Variants in PWWP2B observed in about 807,000 individuals in gnomAD.
PWWP2B encodes the protein PWWP domain containing 2B.
Under a neutral mutation model 15.5 loss-of-function variants are expected in PWWP2B, and 9 were observed. The ratio of observed to expected loss-of-function variants is 0.58; its 90% confidence interval spans 0.35 to 1.02. The LOEUF (loss-of-function observed/expected upper bound fraction) is 1.02, where lower values mean the gene tolerates loss of function less well. PWWP2B is among the 50% of genes least tolerant of loss of function. PWWP2B has a pLI of 0.02. For synonymous variants in PWWP2B, 474 were observed against 403.6 expected (o/e 1.17, Z -2.09); for missense variants, 864 against 865.3 (o/e 1.00, Z 0.02).
At position 132,417,062 on chromosome 10, in the gene PWWP2B, T is replaced by C; in HGVS notation, c.*18T>C. The stretch of plus-strand genomic sequence containing the variant: ...TGCCCCTTTTTGCTTTCCCCCAAGG[T>C]CACCGACGATGAGGGCGCACCTGCT... On this transcript the variant is annotated splice_region_variant and 3_prime_UTR_variant, in exon 3 of 3. Coordinates refer to ENST00000305233, the MANE Select transcript of PWWP2B (RefSeq NM_138499.4). 1 of 1,613,610 alleles carries C rather than the reference T, an allele frequency of 6.2e-7. No homozygotes were observed.
At chr10:132,400,581 C>T (rs778176973) in intron 1 of PWWP2B, among the ~76,000 whole-genome samples, 8 of 152,176 alleles carry the variant, frequency 5.3e-5, no homozygotes, top group Non-Finnish European at 1.2e-4. Context: ...TTTCCCTAAC[C>T]CCTGAGAGAG....
chr10:132,417,163 G>A lies in PWWP2B; in HGVS notation c.*119G>A, dbSNP rs985479131. On this transcript the variant is annotated 3_prime_UTR_variant, in exon 3 of 3. Transcript: ENST00000305233. Reference sequence around the variant, plus strand: ...GCTGCGTGCAGAGCCCACTGGGCACGGTGGTCGGCCTGGTGTGAGGCCCCC... The same window carrying A: ...GCTGCGTGCAGAGCCCACTGGGCACAGTGGTCGGCCTGGTGTGAGGCCCCC... 2.1e-5 allele frequency: 32 copies of A among 1,521,468 alleles called. No individual in the cohort carries two copies. Among genetic ancestry groups the A allele is most frequent in the African/African-American group, 8.2e-5 (6 of 73,094 alleles). 94.2% of individuals were successfully genotyped at this position (1,521,468 alleles called of 1,614,324 possible).
intron 2 of PWWP2B, among the ~76,000 whole-genome samples, chr10:132,415,606 C>T (rs1363171636): frequency 6.6e-6 from 1 of 150,678 alleles, no homozygotes; most frequent in African/African-American, 2.4e-5. Context: ...CTCACATTTA[C>T]TCACACACAT....
At chr10:132,404,552 G>A in intron 1 of PWWP2B, 74 bp from the exon 2 acceptor site, 1 of 1,341,386 alleles carries the variant, frequency 7.5e-7, no homozygotes, top group Non-Finnish European at 1.1e-6. Context: ...GGGGGCCTTG[G>A]CTCTGGGGGC....
intron 2 of PWWP2B, among the ~76,000 whole-genome samples, chr10:132,416,804 G>A (rs1305129457): frequency 1.3e-5 from 2 of 152,108 alleles, no homozygotes; most frequent in African/African-American, 4.8e-5. Context: ...GTGGCCCTGC[G>A]TGTAGGGCCT....
Position 132,405,050 on chromosome 10 carries a change from A to T in PWWP2B, c.550A>T (p.Thr184Ser). Residue 184 changes from threonine to serine, a missense_variant, in exon 2 of 3, where the codon ACG (threonine) becomes TCG (serine). This residue lies in a region of PWWP2B where 736 missense variants were observed against 687.7 expected (regional missense o/e 1.07). Coordinates refer to ENST00000305233, the MANE Select transcript of PWWP2B (RefSeq NM_138499.4). Reference sequence around the variant, plus strand: ...GGTGCTCTGTGAGAAGTGCAAGAGCACGCTGAGCCCCCCGGAGGCCAGCCC... The same window carrying T: ...GGTGCTCTGTGAGAAGTGCAAGAGCTCGCTGAGCCCCCCGGAGGCCAGCCC... ...RQVLCEKCKS[T>S]LSPPEASPGP... 2.0e-6 allele frequency: 3 copies of T among 1,515,050 alleles called. No homozygotes were observed. The highest frequency in any genetic ancestry group is 2.6e-6 in the Non-Finnish European group (3 of 1,135,424). 93.9% of individuals were successfully genotyped at this position (1,515,050 alleles called of 1,614,324 possible).
chr10:132,401,799 G>C (rs1454643578), intron 1 of PWWP2B, among the ~76,000 whole-genome samples: 1 of 152,266 alleles, frequency 6.6e-6, no homozygotes, highest in Non-Finnish European at 1.5e-5. Flanking sequence ...ACTGTGATCT[G>C]TATCTCATGG....
chr10:132,411,492 C>T (rs1172196708), intron 2 of PWWP2B, among the ~76,000 whole-genome samples: 1 of 152,238 alleles, frequency 6.6e-6, no homozygotes, highest in Non-Finnish European at 1.5e-5. Context: ...TCATGTCCGA[C>T]AGAAGGGAAG....
rs976706679 is a variant in PWWP2B at position 132,405,444 on chromosome 10, A to T, written c.944A>T (p.Lys315Met). The change falls in exon 2 of 3, where the codon AAG becomes ATG. Residue 315 changes from lysine to methionine, a missense_variant. Lys to Met is a moderately conservative substitution (Grantham distance 95, BLOSUM62 -1). Transcript: ENST00000305233. ...TGCGCGCCCTCGGCCTCCATCCCCA[A>T]GTTGAAACTGACACGGCCTGTGCCG... ...PSCAPSASIP[K>M]LKLTRPVPAG... 1.9e-6 allele frequency: 3 copies of T among 1,609,448 alleles called. No individual in the cohort carries two copies. The highest frequency in any genetic ancestry group is 1.3e-5 in the African/African-American group (1 of 75,002).
At position 132,407,925 on chromosome 10, in the gene PWWP2B, C is replaced by G. The variant is rs572050467; in HGVS notation, c.*16+1636C>G. Among the ~76,000 whole-genome samples the G allele has an allele frequency of 4.6e-5, 7 of 152,322 alleles. No homozygotes were observed. In the East Asian group the frequency reaches 1.2e-3, roughly 25 times the overall value. On this transcript the variant is annotated intron_variant, in intron 2 of 2. Coordinates refer to ENST00000305233, the MANE Select transcript of PWWP2B (RefSeq NM_138499.4). ...CCCGAGTTCTGGACTCAGGCATTTG[C>G]GAGGCATGACATCCCCCCACGCAGG...
chr10:132,413,292 A>G (rs1056697721), intron 2 of PWWP2B, among the ~76,000 whole-genome samples: 1 of 152,256 alleles, frequency 6.6e-6, no homozygotes, highest in Non-Finnish European at 1.5e-5. Context: ...ATAATGTCAC[A>G]TATTACTGAA....
chr10:132,400,025 T>G (rs538308081), intron 1 of PWWP2B, among the ~76,000 whole-genome samples: 1 of 152,316 alleles, frequency 6.6e-6, no homozygotes, highest in South Asian at 2.1e-4. Context: ...TGGCCCACAC[T>G]GAGAACCCCA....
chr10:132,413,398 G>A (rs767310902), intron 2 of PWWP2B, among the ~76,000 whole-genome samples: 17 of 152,174 alleles, frequency 1.1e-4, no homozygotes, highest in Admixed American at 5.2e-4. Flanking sequence ...CGGGCGTCCC[G>A]GTGGGTGGTG....
chr10:132,399,844 G>A (rs769156562), intron 1 of PWWP2B, among the ~76,000 whole-genome samples: 8 of 152,170 alleles, frequency 5.3e-5, no homozygotes, highest in African/African-American at 1.2e-4. Flanking sequence ...GAGGACAGAC[G>A]AGGCTCCGAG....
intron 2 of PWWP2B, among the ~76,000 whole-genome samples, chr10:132,409,565 G>A (rs988304321): frequency 3.9e-5 from 6 of 152,112 alleles, no homozygotes; most frequent in African/African-American, 9.7e-5. Flanking sequence ...CCAGGGCCTC[G>A]GGCTGGGGTC....
chr10:132,404,060 A>AGGGCTCCTGCAGGACGGCATTCTTCT (rs1446433108), intron 1 of PWWP2B, among the ~76,000 whole-genome samples: 7 of 35,780 alleles, frequency 2.0e-4, no homozygotes, highest in South Asian at 7.1e-4. Context: ...GGCATTCTCC[A>AGGGCTCCTGCAGGACGGCATTCTTCT]GGGCTCCTGC....
intron 1 of PWWP2B, among the ~76,000 whole-genome samples, chr10:132,399,072 G>A (rs535924010): frequency 4.7e-4 from 70 of 149,116 alleles, no homozygotes; most frequent in African/African-American, 1.6e-3. Flanking sequence ...TCTCCCCTGA[G>A]CCTGAGTCTC....
rs1333252988 is a variant in PWWP2B, at chr10:132,405,247, G to A, written c.747G>A (p.Arg249=). 5.0e-6 allele frequency: 8 copies of A among 1,609,470 alleles called. No homozygotes were observed. The highest frequency in any genetic ancestry group is 1.7e-5 in the Admixed American group (1 of 59,732). Residue 249 remains arginine, a synonymous_variant, in exon 2 of 3, where the codon CGG becomes CGA. Transcript: ENST00000305233. ...GGGCCCCGGCAGAGCAGGTCCCGCGGAGCCCGGTCATCAAGATCTCCTACA... is the reference window on the plus strand; with the variant it reads ...GGGCCCCGGCAGAGCAGGTCCCGCGAAGCCCGGTCATCAAGATCTCCTACA... ...EDRAPAEQVP[R]SPVIKISYST...
At chr10:132,402,665 G>C (rs1211404771) in intron 1 of PWWP2B, among the ~76,000 whole-genome samples, 1 of 152,234 alleles carries the variant, frequency 6.6e-6, no homozygotes, top group Non-Finnish European at 1.5e-5. Flanking sequence ...ACGGAGGCCA[G>C]TTCTGGCTAT....
Sources: allele counts gnomAD v4.1 joint callset (sites outside exome capture counted in the v4.1 genomes callset), GRCh38; gene constraint gnomAD v4.1.1; regional missense constraint gnomAD v4.1.1; transcripts MANE v1.5; gene names NCBI Gene and HGNC (gene_info 2026-07-23, HGNC 2026-07-21).